TNK2: variants seen among roughly 807,000 people sequenced by gnomAD.
The protein encoded by TNK2 is tyrosine kinase non receptor 2, also known as activated CDC42 kinase 1.
Under a neutral mutation model 101.8 loss-of-function variants are expected in TNK2, and 83 were observed. That is an observed-to-expected ratio of 0.82 (90% confidence interval 0.68 to 0.98). The LOEUF is 0.98. Among genes scored for constraint, TNK2 ranks in the 50% least tolerant of loss-of-function variants. The pLI is 0.00. For missense variants in TNK2, 1,665 were observed against 1,483.2 expected (o/e 1.12, Z -2.01); for synonymous variants, 804 against 633.0 (o/e 1.27, Z -4.06).
At chr3:195,869,474 G>C in intron 12 of TNK2, 23 bp downstream of exon 12, 1 of 1,549,926 alleles carries the variant, frequency 6.5e-7, no homozygotes, top group Non-Finnish European at 8.7e-7. Context: ...GGGGGCCAAG[G>C]CATCGGAAGC....
At position 195,864,061 on chromosome 3, in the gene TNK2, C is replaced by A; in HGVS notation, c.*120G>T. 7.1e-7 allele frequency: 1 copy of A among 1,407,280 alleles called. No homozygotes were observed. Among genetic ancestry groups the A allele is most frequent in the Non-Finnish European group, 9.9e-7 (1 of 1,006,330 alleles). 87.2% of individuals were successfully genotyped at this position (1,407,280 alleles called of 1,614,324 possible). A position where few individuals can be genotyped will look rare whatever the true frequency, so the allele number is the denominator to read the frequency against. On this transcript the variant is annotated 3_prime_UTR_variant, in exon 16 of 16. Coordinates refer to ENST00000672887, the MANE Select transcript of TNK2 (RefSeq NM_001382273.1). ...CCCGCAGCCTTGGCCTTGCTCCATC[C>A]CCGGGAGCAGCAGGAGCAGCGGGTC...
At chr3:195,895,090 C>T (rs757367957) in intron 1 of TNK2, among the ~76,000 whole-genome samples, 6 of 152,200 alleles carry the variant, frequency 3.9e-5, no homozygotes, top group South Asian at 2.1e-4. Flanking sequence ...TCACCACCGC[C>T]ACACCCACAT....
intron 1 of TNK2, chr3:195,896,889 ACTG>A (rs1577116207): frequency 6.6e-6 from 1 of 152,246 alleles, no homozygotes; most frequent in East Asian, 1.9e-4. Flanking sequence ...AGCCTCTCCA[ACTG>A]CATGCGAAGT....
intron 9 of TNK2, among the ~76,000 whole-genome samples, chr3:195,873,323 A>G (rs560812640): frequency 2.0e-5 from 3 of 152,318 alleles, no homozygotes; most frequent in Non-Finnish European, 4.4e-5. Flanking sequence ...GGGCTCCCGC[A>G]AGACACTCCT....
rs1250794123 is a variant in TNK2, at chr3:195,870,203, A to T, written c.1454T>A (p.Leu485Gln). 2 of 1,582,650 alleles carry T rather than the reference A, an allele frequency of 1.3e-6. No individual in the cohort carries two copies. Among genetic ancestry groups the T allele is most frequent in the East Asian group, 2.3e-5 (1 of 43,600 alleles). ...GGGGTCCATGGGGTTTCCCAGATAC[A>T]GTCTGTGGGGGAGAGAGCTGGGTCA... ...CWGFPDRIDE[L>Q]YLGNPMDPPD... is the part of the protein sequence containing the mutation. Residue 485 changes from leucine (L) to glutamine (Q), a missense_variant and splice_region_variant, in exon 11 of 16, where the codon CTG becomes CAG. Leu to Gln is a moderately radical substitution (Grantham distance 113). Transcript: ENST00000672887.
In TNK2 at chr3:195,882,663, G is replaced by A. The variant is rs933066704; in HGVS notation, c.610-335C>T. On this transcript the variant is annotated intron_variant, in intron 5 of 15. Transcript: ENST00000672887. This position sits in a 1 kb window ranked among gnomAD's most constrained non-coding sequence, Gnocchi z 4.2. ...ATTTGAGGTCAGGAGTTTGAGACCA[G>A]CCTGGCCAACATGGTGAAACCCCGT... The A allele has an allele frequency of 6.4e-6, 4 of 625,580 alleles. No homozygotes were observed. The highest frequency in any genetic ancestry group is 1.0e-5 in the Non-Finnish European group (4 of 389,158). The allele number at this position is 625,580 out of a possible 1,614,324, so 38.8% of individuals were successfully genotyped here. A position where few individuals can be genotyped will look rare whatever the true frequency, so the allele number is the denominator to read the frequency against.
rs944430077 is a variant in TNK2 at position 195,892,453 on chromosome 3, G to A, written c.-18-3847C>T. The stretch of plus-strand genomic sequence containing the variant: ...GCAGTCTGGCCAGGAGAGGGAAGGA[G>A]AGCTCCAGGCCAGGGAACCGACGTG... On this transcript the variant is annotated intron_variant, in intron 1 of 15. Transcript: ENST00000672887. 2.0e-6 allele frequency: 3 copies of A among 1,535,544 alleles called. No individual in the cohort carries two copies. The East Asian group carries it at 7.3e-5, about 38-fold the overall frequency.
intron 4 of TNK2, chr3:195,884,604 A>T: frequency 1.9e-6 from 1 of 523,296 alleles, no homozygotes; most frequent in Non-Finnish European, 3.3e-6. Context: ...GATCGTGCCT[A>T]CTGCACTCCA....
In TNK2 at chr3:195,876,458, C is replaced by T. The variant is rs374230490; in HGVS notation, c.1256+1795G>A. On this transcript the variant is annotated intron_variant, in intron 9 of 15. Coordinates refer to ENST00000672887, the MANE Select transcript of TNK2 (RefSeq NM_001382273.1). The stretch of plus-strand genomic sequence containing the variant: ...CAAAGACTCACACAGAGCCATCCGC[C>T]TGGAGACATGGAGACGGAGGCAGCC... 963 of 456,842 alleles carry T rather than the reference C, an allele frequency of 2.1e-3. 8 individuals carry two copies. The highest frequency in any genetic ancestry group is 0.017 in the African/African-American group (865 of 50,200). The allele number at this position is 456,842 out of a possible 1,614,324, so 28.3% of individuals were successfully genotyped here. A position where few individuals can be genotyped will look rare whatever the true frequency, so the allele number is the denominator to read the frequency against.
At chr3:195,907,974 G>A (rs1167740400) in intron 1 of TNK2, 8 of 152,412 alleles carry the variant, frequency 5.2e-5, no homozygotes, top group East Asian at 1.9e-4. Context: ...TGGCAGAAGC[G>A]GGCCAGGCTC....
At chr3:195,902,639 AC>A (rs1310384430) in intron 1 of TNK2, among the ~76,000 whole-genome samples, 2 of 128,256 alleles carry the variant, frequency 1.6e-5, no homozygotes, top group East Asian at 2.4e-4. Context: ...ACAAAAAAAA[AC>A]AAACATAAAA....
At chr3:195,875,727 T>C (rs777159502) in intron 9 of TNK2, among the ~76,000 whole-genome samples, 7 of 152,066 alleles carry the variant, frequency 4.6e-5, no homozygotes, top group Non-Finnish European at 8.8e-5. Flanking sequence ...TACCCGGCCG[T>C]GACTGAAGCA....
At chr3:195,900,140 C>A (rs1439361010) in intron 1 of TNK2, among the ~76,000 whole-genome samples, 1 of 152,022 alleles carries the variant, frequency 6.6e-6, no homozygotes, top group Non-Finnish European at 1.5e-5. Context: ...TGACATTGGT[C>A]TTAAGGAAGG....
chr3:195,895,479 G>A (rs1760220433), intron 1 of TNK2: 1 of 1,367,156 alleles, frequency 7.3e-7, no homozygotes, highest in East Asian at 3.1e-5. Context: ...CCATCGGCCG[G>A]CGGCCGGGTG....
intron 6 of TNK2, among the ~76,000 whole-genome samples, chr3:195,880,372 T>C (rs539650359): frequency 3.3e-5 from 5 of 152,130 alleles, no homozygotes; most frequent in Admixed American, 2.6e-4. Flanking sequence ...CCCACAGAAA[T>C]GCCCCTTGGA....
At chr3:195,866,821 C>G (rs1369917023) in intron 15 of TNK2, 68 bp downstream of exon 15, 5 of 1,562,270 alleles carry the variant, frequency 3.2e-6, no homozygotes, top group Non-Finnish European at 4.3e-6. Flanking sequence ...GGGCTTCCTC[C>G]CAGTGTGGCA....
At chr3:195,870,381 G>C (rs1424433897) in intron 10 of TNK2, 176 bp from the exon 11 acceptor site, 1 of 1,469,652 alleles carries the variant, frequency 6.8e-7, no homozygotes, top group African/African-American at 1.4e-5. Context: ...GGGGTGTCCT[G>C]GAGAGAAGGC....
chr3:195,883,427 G>C (rs1480182820), intron 4 of TNK2, 118 bp from the exon 5 acceptor site: 1 of 1,274,820 alleles, frequency 7.8e-7, no homozygotes. Flanking sequence ...CCTCATCTGG[G>C]TGGGTAAGCA....
rs755566982 is a variant in TNK2, at chr3:195,867,849, G to A, written c.2449C>T (p.Pro817Ser). The change falls in exon 13 of 16, where the codon CCG (proline) becomes TCG (serine). Residue 817 changes from proline (P) to serine (S), a missense_variant. Coordinates refer to ENST00000672887, the MANE Select transcript of TNK2 (RefSeq NM_001382273.1). ...PSPLVPPGSS[P>S]LPPRLSSSPG... ...GAGCTTGAGAGCCGGGGTGGCAGCG[G>A]GGAGCTGCCAGGTGGTACCAGGGGG... 1 of 1,534,676 alleles carries A rather than the reference G, an allele frequency of 6.5e-7. No homozygotes were observed. Among genetic ancestry groups the A allele is most frequent in the Admixed American group, 2.2e-5 (1 of 45,762 alleles).
Sources: allele counts gnomAD v4.1 joint callset (sites outside exome capture counted in the v4.1 genomes callset), GRCh38; gene constraint gnomAD v4.1.1; non-coding constraint Gnocchi (gnomAD v3.1); transcripts MANE v1.5; gene names NCBI Gene and HGNC (gene_info 2026-07-23, HGNC 2026-07-21).